The following PRKN variants were observed in gnomAD, a reference collection of about 807,000 sequenced individuals.
PRKN encodes E3 ubiquitin-protein ligase parkin.
A neutral mutation model predicts 59.5 loss-of-function variants in PRKN; 56 were observed. The observed-to-expected ratio is 0.94, with a 90% CI of 0.76 to 1.18. The LOEUF (loss-of-function observed/expected upper bound fraction) is 1.18. Among genes scored for constraint, PRKN ranks in the 50% most tolerant of loss-of-function variants. The pLI is 0.00. For missense variants in PRKN, 657 were observed against 596.4 expected (o/e 1.10, Z -1.06); for synonymous variants, 250 against 222.1 (o/e 1.13, Z -1.12).
At chr6:161,919,499 T>C (rs1778700380) in intron 6 of PRKN, among the ~76,000 whole-genome samples, 1 of 152,242 alleles carries the variant, frequency 6.6e-6, no homozygotes, top group African/African-American at 2.4e-5. Context: ...TTGCATGATG[T>C]GTAAATTATA....
chr6:161,720,926 C>A (rs920952397), intron 7 of PRKN, among the ~76,000 whole-genome samples: 2 of 152,152 alleles, frequency 1.3e-5, no homozygotes, highest in African/African-American at 4.8e-5. Flanking sequence ...CAGAAGTATG[C>A]ATTACTTCCC....
chr6:161,573,792 A>ATATATATATATG (rs1781024595), intron 7 of PRKN, among the ~76,000 whole-genome samples: 1 of 111,122 alleles, frequency 9.0e-6, no homozygotes, highest in Non-Finnish European at 1.8e-5. Flanking sequence ...ATATATATAT[A>ATATATATATATG]TATAAAACTT....
At chr6:162,249,445 G>T (rs532999584) in intron 3 of PRKN, among the ~76,000 whole-genome samples, 1 of 152,146 alleles carries the variant, frequency 6.6e-6, no homozygotes, top group Non-Finnish European at 1.5e-5. Flanking sequence ...GACGAGACAC[G>T]TAGCTAGTGC....
rs1411602472 is a variant in PRKN at position 161,473,529 on chromosome 6, G to GTCAAATA, written c.1083+75318_1083+75324dup. 6.6e-6 allele frequency among the ~76,000 whole-genome samples: 1 copy of GTCAAATA among 151,530 alleles called. No homozygotes were observed. The highest frequency in any genetic ancestry group is 2.4e-5 in the African/African-American group (1 of 41,212). On this transcript the variant is annotated intron_variant, in intron 9 of 11. Transcript: ENST00000366898. The surrounding 1 kb of genome is among the most constrained non-coding windows in gnomAD (Gnocchi z 4.1). ...ACATGTGGAATCTTAAAAAAAAAAT[G>GTCAAATA]TCAAATATATAGAGACAGAATAAAA...
At chr6:162,025,649 C>T (rs1783405951) in intron 5 of PRKN, among the ~76,000 whole-genome samples, 1 of 122,912 alleles carries the variant, frequency 8.1e-6, no homozygotes, top group Admixed American at 1.1e-4. Flanking sequence ...AGTACAGTGC[C>T]ACGATCTCAG....
intron 9 of PRKN, among the ~76,000 whole-genome samples, chr6:161,415,701 G>C (rs558365395): frequency 6.7e-6 from 1 of 148,212 alleles, no homozygotes; most frequent in South Asian, 2.2e-4. Context: ...GAGTCTGCCC[G>C]GCCCCTCCTG....
intron 1 of PRKN, among the ~76,000 whole-genome samples, chr6:162,575,217 G>A (rs574016224): frequency 6.6e-6 from 1 of 152,124 alleles, no homozygotes; most frequent in African/African-American, 2.4e-5. Context: ...TGTCAGTCTT[G>A]GAGAAAGCGA....
At chr6:161,479,987 C>T (rs1467093790) in intron 9 of PRKN, among the ~76,000 whole-genome samples, 1 of 152,350 alleles carries the variant, frequency 6.6e-6, no homozygotes, top group South Asian at 2.1e-4. Context: ...AGGGCCAGCA[C>T]ACAATTCCTT....
At chr6:162,595,584 C>G (rs1781469937) in intron 1 of PRKN, among the ~76,000 whole-genome samples, 1 of 152,018 alleles carries the variant, frequency 6.6e-6, no homozygotes, top group Admixed American at 6.6e-5. Flanking sequence ...AGGTTTGGCT[C>G]TAACAATTAC....
intron 6 of PRKN, among the ~76,000 whole-genome samples, chr6:161,863,593 A>G (rs1398893975): frequency 1.3e-5 from 2 of 152,154 alleles, no homozygotes; most frequent in Non-Finnish European, 2.9e-5. Context: ...GGTGAAGGTA[A>G]TCTCTGTATG....
intron 7 of PRKN, among the ~76,000 whole-genome samples, chr6:161,766,118 A>G (rs1477914205): frequency 6.6e-6 from 1 of 152,172 alleles, no homozygotes; most frequent in Non-Finnish European, 1.5e-5. Flanking sequence ...TTAACTCACA[A>G]TACAACATGT....
chr6:162,302,530 C>G (rs186702995), intron 2 of PRKN, among the ~76,000 whole-genome samples: 23 of 152,048 alleles, frequency 1.5e-4, no homozygotes, highest in Admixed American at 7.2e-4. Context: ...AGGCAGGTGA[C>G]AGTCCCCGGG....
At chr6:161,985,719 A>G (rs1781409575) in intron 5 of PRKN, among the ~76,000 whole-genome samples, 1 of 152,178 alleles carries the variant, frequency 6.6e-6, no homozygotes, top group African/African-American at 2.4e-5. Flanking sequence ...GGCCAAGCAC[A>G]CTGGCCGAGC....
At chr6:161,422,858 A>G (rs1788166252) in intron 9 of PRKN, among the ~76,000 whole-genome samples, 1 of 152,134 alleles carries the variant, frequency 6.6e-6, no homozygotes, top group African/African-American at 2.4e-5. Flanking sequence ...TGCATTCCAG[A>G]CTTCAATAAA....
At chr6:162,335,317 C>G (rs1339806394) in intron 2 of PRKN, among the ~76,000 whole-genome samples, 1 of 152,096 alleles carries the variant, frequency 6.6e-6, no homozygotes, top group African/African-American at 2.4e-5. Context: ...GCTGGGACTA[C>G]AGGCATGGGC....
chr6:162,188,184 C>A (rs1784110584), intron 4 of PRKN, among the ~76,000 whole-genome samples: 1 of 152,272 alleles, frequency 6.6e-6, no homozygotes, highest in African/African-American at 2.4e-5. Flanking sequence ...ACTGTAAATC[C>A]AATAAACCTC....
At chr6:162,322,782 A>T (rs1002533425) in intron 2 of PRKN, among the ~76,000 whole-genome samples, 10 of 152,026 alleles carry the variant, frequency 6.6e-5, no homozygotes, top group African/African-American at 2.4e-4. Flanking sequence ...ATATATAAAA[A>T]TGAACTTGAT....
intron 1 of PRKN, among the ~76,000 whole-genome samples, chr6:162,672,099 A>G (rs1779345774): frequency 6.6e-6 from 1 of 152,202 alleles, no homozygotes; most frequent in African/African-American, 2.4e-5. Context: ...GAGACTCCAG[A>G]TAATATAGAA....
Position 162,262,645 on chromosome 6 carries a change from C to A in PRKN, c.292G>T (p.Glu98Ter). 6.2e-7 allele frequency: 1 copy of A among 1,613,742 alleles called. No homozygotes were observed. The highest frequency in any genetic ancestry group is 8.5e-7 in the Non-Finnish European group (1 of 1,179,986). ...TCCACCCGAGTCAAGCTCTGGGGCT[C>A]CCGCTCACAGCCTCCCGCCGCGTTT... is the stretch of plus-strand genomic sequence containing the variant. ...PRNAAGGCEREPQSLTRVDLS... is the reference protein window; with the variant it reads ...PRNAAGGCER Residue 98 changes from glutamate to a stop codon, truncating the protein, a stop_gained, in exon 3 of 12, where the codon GAG (glutamate) becomes TAG (stop). Coordinates refer to ENST00000366898, the MANE Select transcript of PRKN (RefSeq NM_004562.3). LOFTEE classifies it high-confidence loss of function.
Sources: allele counts gnomAD v4.1 joint callset (sites outside exome capture counted in the v4.1 genomes callset), GRCh38; gene constraint gnomAD v4.1.1; non-coding constraint Gnocchi (gnomAD v3.1); transcripts MANE v1.5; gene names NCBI Gene and HGNC (gene_info 2026-07-23, HGNC 2026-07-21).